KHDRBS3: variants seen among roughly 807,000 people sequenced by gnomAD.
KHDRBS3 encodes the protein KH domain-containing, RNA-binding, signal transduction-associated protein 3.
A neutral mutation model predicts 45.6 loss-of-function variants in KHDRBS3; 23 were observed. That is an observed-to-expected ratio of 0.50 (90% CI 0.36 to 0.72). KHDRBS3 has a LOEUF of 0.72. KHDRBS3 is among the 30% of genes least tolerant of loss of function. The probability of loss-of-function intolerance (pLI) is 0.00; values close to 1 mark genes in which losing one functional copy is unlikely to be tolerated. For missense variants in KHDRBS3, 352 were observed against 424.8 expected, an observed-to-expected ratio of 0.83 and a Z score of 1.51; for synonymous variants, 162 against 156.5, an observed-to-expected ratio of 1.04 and a Z score of -0.26.
At chr8:135,496,494 A>G (rs757043412) in intron 1 of KHDRBS3, among the ~76,000 whole-genome samples, 4 of 152,082 alleles carry the variant, frequency 2.6e-5, no homozygotes, top group Non-Finnish European at 5.9e-5. Flanking sequence ...TGGCCTCCCA[A>G]AGTGCTGGGA....
At chr8:135,571,460 A>G (rs1331218323) in intron 5 of KHDRBS3, among the ~76,000 whole-genome samples, 2 of 152,194 alleles carry the variant, frequency 1.3e-5, no homozygotes, top group Non-Finnish European at 2.9e-5. Context: ...AAGTTCAGCA[A>G]TGAGGAAGTC....
intron 1 of KHDRBS3, among the ~76,000 whole-genome samples, chr8:135,486,143 G>A (rs959350593): frequency 6.6e-6 from 1 of 152,062 alleles, no homozygotes; most frequent in African/African-American, 2.4e-5. Flanking sequence ...AAGCGAAGTA[G>A]AAGAGGTCAG....
At chr8:135,474,747 C>T (rs2130249347) in intron 1 of KHDRBS3, among the ~76,000 whole-genome samples, 1 of 152,258 alleles carries the variant, frequency 6.6e-6, no homozygotes, top group Non-Finnish European at 1.5e-5. Context: ...GATGGAAAAA[C>T]AAAGTGAGAG....
chr8:135,550,282 C>T (rs559378828), intron 4 of KHDRBS3, among the ~76,000 whole-genome samples: 1 of 152,256 alleles, frequency 6.6e-6, no homozygotes, highest in East Asian at 1.9e-4. Flanking sequence ...TAATTTACCT[C>T]ACACAGAATC....
chr8:135,596,129 C>G (rs73712084), intron 6 of KHDRBS3, among the ~76,000 whole-genome samples: 2,809 of 152,258 alleles, frequency 0.018, 87 homozygotes, highest in African/African-American at 0.063. Context: ...ATTTCCTCAA[C>G]TGTCCTAAGA....
At chr8:135,526,950 A>G (rs1173711908) in intron 2 of KHDRBS3, among the ~76,000 whole-genome samples, 1 of 150,416 alleles carries the variant, frequency 6.6e-6, no homozygotes, top group Non-Finnish European at 1.5e-5. Flanking sequence ...TTTTTTGCAG[A>G]TAAACCTTAA....
intron 5 of KHDRBS3, among the ~76,000 whole-genome samples, chr8:135,571,334 T>C (rs1827693059): frequency 6.6e-6 from 1 of 152,218 alleles, no homozygotes; most frequent in Admixed American, 6.5e-5. Flanking sequence ...TACCACACTT[T>C]GGTTTTTCAG....
chr8:135,481,223 GATATATAT>G (rs10529846), intron 1 of KHDRBS3, among the ~76,000 whole-genome samples: 13 of 77,408 alleles, frequency 1.7e-4, no homozygotes, highest in African/African-American at 6.3e-4. Context: ...TGAAAGCCAC[GATATATAT>G]ATATATATAT....
At chr8:135,471,854 A>G (rs1461638587) in intron 1 of KHDRBS3, among the ~76,000 whole-genome samples, 2 of 152,212 alleles carry the variant, frequency 1.3e-5, no homozygotes, top group Admixed American at 6.5e-5. Context: ...TCCTCTGTGC[A>G]TGCAACATTG....
intron 1 of KHDRBS3, among the ~76,000 whole-genome samples, chr8:135,509,686 G>A (rs1162385808): frequency 6.6e-6 from 1 of 152,102 alleles, no homozygotes; most frequent in Non-Finnish European, 1.5e-5. Flanking sequence ...GAATGACTAT[G>A]TCTTATCTTT....
chr8:135,462,105 G>GT, intron 1 of KHDRBS3, among the ~76,000 whole-genome samples: 1 of 152,172 alleles, frequency 6.6e-6, no homozygotes, highest in Middle Eastern at 3.2e-3. Context: ...AAAGTAGAGA[G>GT]TAAGAATGAG....
chr8:135,644,971 G>A (rs938665330), intron 7 of KHDRBS3, 88 bp from the exon 8 acceptor site: 23 of 1,372,708 alleles, frequency 1.7e-5, no homozygotes, highest in Non-Finnish European at 1.5e-5. Flanking sequence ...TTCATTAGTT[G>A]TCTTTAAGTT....
chr8:135,486,062 T>A (rs1822847461), intron 1 of KHDRBS3, among the ~76,000 whole-genome samples: 1 of 151,942 alleles, frequency 6.6e-6, no homozygotes, highest in South Asian at 2.1e-4. Context: ...GTCAGCTTTC[T>A]GAGAGTGGCC....
At chr8:135,595,381 TA>T (rs903344573) in intron 6 of KHDRBS3, among the ~76,000 whole-genome samples, 10 of 152,120 alleles carry the variant, frequency 6.6e-5, no homozygotes, top group Non-Finnish European at 1.3e-4. Flanking sequence ...TATGCTTGAA[TA>T]AAAAGTTTAA....
intron 1 of KHDRBS3, among the ~76,000 whole-genome samples, chr8:135,489,863 T>TA (rs1823053326): frequency 6.6e-6 from 1 of 152,228 alleles, no homozygotes; most frequent in Non-Finnish European, 1.5e-5. Flanking sequence ...AGTGATGTCC[T>TA]AGGCCTTCAC....
intron 1 of KHDRBS3, among the ~76,000 whole-genome samples, chr8:135,486,227 A>T (rs1822856631): frequency 6.6e-6 from 1 of 151,900 alleles, no homozygotes; most frequent in Non-Finnish European, 1.5e-5. Flanking sequence ...TAAAGGTATC[A>T]TTTTTTTCTC....
At chr8:135,516,177 G>A (rs1033209790) in intron 1 of KHDRBS3, among the ~76,000 whole-genome samples, 4 of 152,136 alleles carry the variant, frequency 2.6e-5, no homozygotes, top group Non-Finnish European at 5.9e-5. Context: ...CATAGAAAAA[G>A]CACAATAAAA....
Position 135,613,626 on chromosome 8 carries a change from C to T in KHDRBS3, c.890+6589C>T, listed in dbSNP as rs185846277. Among the ~76,000 whole-genome samples, 618 of 151,608 alleles carry T rather than the reference C, an allele frequency of 4.1e-3. 28 individuals carry two copies. The highest frequency in any genetic ancestry group is 0.014 in the African/African-American group (563 of 41,042). ...TTGTTGTTTCACACAAGAGTGGCTA[C>T]GAAGAGCAGGTTCTGGGAAACCTGC... On this transcript the variant is annotated intron_variant, in intron 7 of 8. Transcript: ENST00000355849.
chr8:135,588,843 C>T (rs1231645223), intron 6 of KHDRBS3, among the ~76,000 whole-genome samples: 1 of 152,160 alleles, frequency 6.6e-6, no homozygotes, highest in African/African-American at 2.4e-5. Flanking sequence ...ACGGTCCCCT[C>T]TCCCTGAATG....
Sources: gnomAD v4.1 joint callset for allele counts (sites outside exome capture counted in the v4.1 genomes callset) on GRCh38, gnomAD v4.1.1 for gene constraint, MANE v1.5 for transcripts, NCBI Gene and HGNC (gene_info 2026-07-23, HGNC 2026-07-21) for gene names.